The following CEP72 variants were observed in gnomAD, a reference collection of about 807,000 sequenced individuals.
The protein encoded by CEP72 is centrosomal protein of 72 kDa.
In CEP72, 78 loss-of-function variants were observed where a neutral mutation model predicts 65.7. The observed-to-expected ratio is 1.19, with a 90% confidence interval of 0.99 to 1.43. CEP72 has a LOEUF of 1.43. Among genes scored for constraint, CEP72 ranks in the 40% most tolerant of loss-of-function variants. CEP72 has a pLI of 0.00. For synonymous variants in CEP72, 358 were observed against 351.7 expected (o/e 1.02, Z -0.20); for missense variants, 914 against 832.9 (o/e 1.10, Z -1.20).
chr5:658,520 T>A (rs933611098), downstream of CEP72, among the ~76,000 whole-genome samples: 2 of 152,208 alleles, frequency 1.3e-5, no homozygotes, highest in African/African-American at 2.4e-5. Context: ...GCCTCCATTT[T>A]CTTTTCAATT....
At chr5:641,461 A>G (rs904238263) in intron 9 of CEP72, 33 of 985,354 alleles carry the variant, frequency 3.3e-5, no homozygotes, top group Non-Finnish European at 3.9e-5. Flanking sequence ...TGACAAGTAC[A>G]TACTGTCCGT....
At chr5:669,712 A>G (rs1365473946), downstream of CEP72, among the ~76,000 whole-genome samples, 1 of 151,808 alleles carries the variant, frequency 6.6e-6, no homozygotes, top group Admixed American at 6.5e-5. Flanking sequence ...AGATCCGGAC[A>G]CCTGCTCTGC....
chr5:657,786 C>T (rs1287266513), downstream of CEP72, among the ~76,000 whole-genome samples: 1 of 152,142 alleles, frequency 6.6e-6, no homozygotes, highest in African/African-American at 2.4e-5. Context: ...TGCCAGTGAC[C>T]TGGGCAGCTG....
intron 4 of CEP72, among the ~76,000 whole-genome samples, chr5:633,308 G>A (rs1302792278): frequency 8.3e-6 from 1 of 120,666 alleles, no homozygotes; most frequent in Non-Finnish European, 1.8e-5. Context: ...TCTGTTCAGT[G>A]CCGGGATTTG....
intron 6 of CEP72, among the ~76,000 whole-genome samples, chr5:635,903 G>A (rs1737564504): frequency 6.6e-6 from 1 of 151,942 alleles, no homozygotes; most frequent in African/African-American, 2.4e-5. Flanking sequence ...ACCCAGCCCT[G>A]CGATACAGCA....
At chr5:665,845 G>C in intron 3 of CEP72, 4 of 809,628 alleles carry the variant, frequency 4.9e-6, no homozygotes, top group South Asian at 2.0e-5. Context: ...CGCCTCCCAG[G>C]ACCCCCCCCA....
intron 2 of CEP72, chr5:665,033 A>G (rs72707016): frequency 0.18 from 268,700 of 1,528,966 alleles, 25,839 homozygotes; most frequent in Admixed American, 0.21. Flanking sequence ...ACAGGAATGT[A>G]ATGAAGTGCG....
chr5:674,863 G>A, the CEP72 span, among the ~76,000 whole-genome samples: 749 of 150,976 alleles, frequency 5.0e-3, 17 homozygotes, highest in Admixed American at 0.042. Flanking sequence ...CAGCGAGCCT[G>A]TGGGAGCTGC....
the CEP72 span, among the ~76,000 whole-genome samples, chr5:672,207 G>A: frequency 6.6e-6 from 1 of 152,166 alleles, no homozygotes; most frequent in African/African-American, 2.4e-5. Context: ...AGTGCCGGCT[G>A]GCCGGGGGGG....
At chr5:646,797 C>G (rs930084509) in intron 10 of CEP72, among the ~76,000 whole-genome samples, 1 of 152,194 alleles carries the variant, frequency 6.6e-6, no homozygotes, top group Non-Finnish European at 1.5e-5. Flanking sequence ...TCAGAGCTGA[C>G]GGCCACCCAC....
chr5:620,145 G>C lies in CEP72; in HGVS notation c.287G>C (p.Arg96Pro). The C allele has an allele frequency of 6.2e-7, 1 of 1,614,116 alleles. No homozygotes were observed. ...NCISSLAEVF[R>P]LHALTELVDV... is the part of the protein sequence containing the mutation. ...ATCTCCTCGTTGGCAGAAGTGTTTC[G>C]GCTCCACGCCTTAACCGAGCTCGTG... The change falls in exon 3 of 12, where the codon CGG becomes CCG. Residue 96 changes from arginine to proline, a missense_variant. Physicochemically the swap from Arg to Pro is moderately radical, Grantham distance 103. Coordinates refer to ENST00000264935, the MANE Select transcript of CEP72 (RefSeq NM_018140.4).
At chr5:619,983 G>T in intron 2 of CEP72, 86 bp from the exon 3 acceptor site, 1 of 1,014,470 alleles carries the variant, frequency 9.9e-7, no homozygotes, top group Non-Finnish European at 1.5e-6. Context: ...TTATACAGTT[G>T]GTTGGTCAGT....
At chr5:628,951 G>A (rs866472481) in intron 4 of CEP72, among the ~76,000 whole-genome samples, 1,794 of 138,470 alleles carry the variant, frequency 0.013, 13 homozygotes, top group Non-Finnish European at 0.018. Context: ...GAGAACTCAG[G>A]TCACAGGCCC....
At position 644,103 on chromosome 5, in the gene CEP72, T is replaced by C; in HGVS notation, c.1540-196T>C. 5.2e-6 allele frequency: 3 copies of C among 580,086 alleles called. No homozygotes were observed. In the South Asian group the frequency reaches 6.0e-5, roughly 12 times the overall value. The allele number at this position is 580,086 out of a possible 1,614,324, so 35.9% of individuals were successfully genotyped here. ...CCCTCTCCTCACTTCCCCCCTCCCC[T>C]GAGGGTGCTGCAGGGCTGGGCAGGG... On this transcript the variant is annotated intron_variant, in intron 9 of 11. Coordinates refer to ENST00000264935, the MANE Select transcript of CEP72 (RefSeq NM_018140.4).
At position 637,650 on chromosome 5, in the gene CEP72, G is replaced by A. The variant is rs994450589; in HGVS notation, c.1038G>A (p.Ser346=). The change falls in exon 7 of 12, where the codon TCG becomes TCA. Residue 346 remains serine, a synonymous_variant. Coordinates refer to ENST00000264935, the MANE Select transcript of CEP72 (RefSeq NM_018140.4). ...CTGTTGGAAGATTCCAGACGTTTTC[G>A]GACCAGGAGGGTTTGGGCTGCCCGG... ...RMPVGRFQTF[S]DQEGLGCPER... 2.5e-6 allele frequency: 4 copies of A among 1,614,008 alleles called. No homozygotes were observed. The highest frequency in any genetic ancestry group is 2.2e-5 in the East Asian group (1 of 44,882).
the CEP72 span, chr5:675,978 C>G: frequency 6.6e-6 from 1 of 152,114 alleles, no homozygotes; most frequent in African/African-American, 2.4e-5. Context: ...GAGACCAGCT[C>G]GCACCCGGGG....
In CEP72 at chr5:645,618, G is replaced by T. The variant is rs1286910318; in HGVS notation, c.1666+1193G>T. Among the ~76,000 whole-genome samples the T allele has an allele frequency of 6.6e-6, 1 of 152,206 alleles. No individual in the cohort carries two copies. Among genetic ancestry groups the T allele is most frequent in the South Asian group, 2.1e-4 (1 of 4,824 alleles). On this transcript the variant is annotated intron_variant, in intron 10 of 11. Coordinates refer to ENST00000264935, the MANE Select transcript of CEP72 (RefSeq NM_018140.4). This position sits in a 1 kb window ranked among gnomAD's most constrained non-coding sequence, Gnocchi z 4.0. ...GTCTGACCTGTCCCATCTCGAGTGA[G>T]TGCAGGCACCAGCCGCCCTGCTGTG...
In CEP72 at chr5:637,731, A is replaced by T; in HGVS notation, c.1119A>T (p.Ser373=). The change falls in exon 7 of 12, where the codon TCA becomes TCT. Residue 373 remains serine, a synonymous_variant. Transcript: ENST00000264935. ...AGAGCCTGAGCAGACAGGACAGCTC[A>T]GAAAGCAGGAACGGGAGGACCTTGT... ...PKESLSRQDS[S]ESRNGRTLSQ... The T allele has an allele frequency of 6.2e-7, 1 of 1,613,358 alleles. No individual in the cohort carries two copies. The highest frequency in any genetic ancestry group is 8.5e-7 in the Non-Finnish European group (1 of 1,179,886).
chr5:613,333 G>A (rs1220988284), intron 1 of CEP72, among the ~76,000 whole-genome samples: 2 of 152,106 alleles, frequency 1.3e-5, no homozygotes, highest in African/African-American at 2.4e-5. Context: ...CCAGCAGGGA[G>A]GTGGAAGGAG....
Sources: gnomAD v4.1 joint callset for allele counts (sites outside exome capture counted in the v4.1 genomes callset) on GRCh38, gnomAD v4.1.1 for gene constraint, Gnocchi (gnomAD v3.1) non-coding constraint, MANE v1.5 for transcripts, NCBI Gene and HGNC (gene_info 2026-07-23, HGNC 2026-07-21) for gene names.